LRRTM4: variants seen among roughly 807,000 people sequenced by gnomAD.
The protein encoded by LRRTM4 is leucine-rich repeat transmembrane neuronal protein 4.
A neutral mutation model predicts 47.6 loss-of-function variants in LRRTM4; 25 were observed. The ratio of observed to expected loss-of-function variants is 0.53; its 90% CI spans 0.38 to 0.73. The LOEUF (loss-of-function observed/expected upper bound fraction) is 0.73, where lower values mean the gene tolerates loss of function less well. LRRTM4 is among the 30% of genes least tolerant of loss of function. The pLI is 0.00. For missense variants in LRRTM4, 638 were observed against 713.4 expected (o/e 0.89, Z 1.20); for synonymous variants, 311 against 269.5 (o/e 1.15, Z -1.51).
intron 3 of LRRTM4, among the ~76,000 whole-genome samples, chr2:76,820,020 A>G (rs919156445): frequency 5.9e-5 from 9 of 151,976 alleles, no homozygotes; most frequent in African/African-American, 2.2e-4. Context: ...ATGTTCTTAC[A>G]GATATCCACC....
intron 3 of LRRTM4, among the ~76,000 whole-genome samples, chr2:76,998,618 A>G (rs1395216785): frequency 6.6e-6 from 1 of 152,074 alleles, no homozygotes; most frequent in Non-Finnish European, 1.5e-5. Flanking sequence ...ATTTTTGTAC[A>G]CATTGAAGTC....
At chr2:76,811,530 A>T (rs1331766709) in intron 3 of LRRTM4, among the ~76,000 whole-genome samples, 5 of 152,140 alleles carry the variant, frequency 3.3e-5, no homozygotes, top group Non-Finnish European at 7.3e-5. Flanking sequence ...AAGGCCATTC[A>T]TCTGATGGAA....
intron 3 of LRRTM4, among the ~76,000 whole-genome samples, chr2:77,460,707 A>G (rs918812028): frequency 6.6e-6 from 1 of 152,126 alleles, no homozygotes; most frequent in African/African-American, 2.4e-5. Flanking sequence ...TAAGTATTTG[A>G]ATTGATAGTC....
At chr2:77,174,152 C>A (rs569575654) in intron 3 of LRRTM4, among the ~76,000 whole-genome samples, 1 of 152,052 alleles carries the variant, frequency 6.6e-6, no homozygotes, top group Non-Finnish European at 1.5e-5. Flanking sequence ...CAATCCTGCC[C>A]GTGCACTCCT....
chr2:76,808,535 G>A (rs1670631712), intron 3 of LRRTM4, among the ~76,000 whole-genome samples: 1 of 151,684 alleles, frequency 6.6e-6, no homozygotes, highest in South Asian at 2.1e-4. Context: ...CACAATTTTG[G>A]GGGTTGTCTT....
intron 3 of LRRTM4, among the ~76,000 whole-genome samples, chr2:76,851,081 C>T (rs1480687794): frequency 1.3e-5 from 2 of 152,298 alleles, no homozygotes; most frequent in Non-Finnish European, 2.9e-5. Flanking sequence ...GCTAACAGTG[C>T]ACATTCAGGG....
chr2:76,806,032 C>T (rs909377524), intron 3 of LRRTM4, among the ~76,000 whole-genome samples: 1 of 152,130 alleles, frequency 6.6e-6, no homozygotes, highest in African/African-American at 2.4e-5. Flanking sequence ...CAGTACTCAG[C>T]CTATTACAGC....
At chr2:77,416,567 A>G (rs1291595895) in intron 3 of LRRTM4, among the ~76,000 whole-genome samples, 1 of 152,094 alleles carries the variant, frequency 6.6e-6, no homozygotes, top group Non-Finnish European at 1.5e-5. Flanking sequence ...AAAAAATCAG[A>G]TATTTCTGGC....
intron 3 of LRRTM4, among the ~76,000 whole-genome samples, chr2:77,430,371 C>T (rs1276859239): frequency 6.6e-6 from 1 of 152,006 alleles, no homozygotes; most frequent in East Asian, 1.9e-4. Flanking sequence ...TTATTCAATT[C>T]TGGCTGTTAT....
At chr2:76,918,795 C>T (rs1247639991) in intron 3 of LRRTM4, among the ~76,000 whole-genome samples, 1 of 152,108 alleles carries the variant, frequency 6.6e-6, no homozygotes, top group Non-Finnish European at 1.5e-5. Context: ...CTTAAGAAGT[C>T]TTCAGAAGAA....
chr2:76,774,014 C>G (rs1673838477), intron 3 of LRRTM4, among the ~76,000 whole-genome samples: 1 of 151,810 alleles, frequency 6.6e-6, no homozygotes, highest in South Asian at 2.1e-4. Flanking sequence ...ATGAAAGACA[C>G]CACAGTCAAA....
intron 3 of LRRTM4, among the ~76,000 whole-genome samples, chr2:77,316,282 G>C (rs920064152): frequency 6.6e-6 from 1 of 152,102 alleles, no homozygotes; most frequent in Non-Finnish European, 1.5e-5. Flanking sequence ...AGAATGATGC[G>C]TAAGTTCTCA....
At chr2:76,834,618 C>A (rs1379604310) in intron 3 of LRRTM4, among the ~76,000 whole-genome samples, 1 of 151,962 alleles carries the variant, frequency 6.6e-6, no homozygotes, top group Non-Finnish European at 1.5e-5. Flanking sequence ...GATACAAATG[C>A]TTTCTCTAAT....
chr2:76,991,415 A>G (rs1168079672), intron 3 of LRRTM4, among the ~76,000 whole-genome samples: 1 of 151,644 alleles, frequency 6.6e-6, no homozygotes, highest in Non-Finnish European at 1.5e-5. Context: ...ACAAAGGAAA[A>G]AAGAAGATTG....
intron 3 of LRRTM4, among the ~76,000 whole-genome samples, chr2:76,947,415 T>G (rs1012715828): frequency 2.0e-5 from 3 of 151,846 alleles, no homozygotes; most frequent in African/African-American, 7.2e-5. Flanking sequence ...CAGGTTCTTA[T>G]GAGGAATAGT....
At chr2:77,021,439 T>G (rs1432137710) in intron 3 of LRRTM4, among the ~76,000 whole-genome samples, 1 of 152,282 alleles carries the variant, frequency 6.6e-6, no homozygotes, top group Middle Eastern at 3.4e-3. Flanking sequence ...TAATGCTTTT[T>G]CAAATTGACT....
At chr2:76,824,560 A>C (rs1671140056) in intron 3 of LRRTM4, among the ~76,000 whole-genome samples, 1 of 148,628 alleles carries the variant, frequency 6.7e-6, no homozygotes, top group South Asian at 2.1e-4. Flanking sequence ...TAGGCAGACA[A>C]GAGCAAGGCA....
intron 3 of LRRTM4, among the ~76,000 whole-genome samples, chr2:77,468,954 T>C (rs1677085061): frequency 6.6e-6 from 1 of 152,218 alleles, no homozygotes; most frequent in Non-Finnish European, 1.5e-5. Flanking sequence ...TGATGTCCGT[T>C]TTTACTACAT....
intron 3 of LRRTM4, among the ~76,000 whole-genome samples, chr2:77,024,306 A>G (rs1678375242): frequency 6.6e-6 from 1 of 152,180 alleles, no homozygotes; most frequent in African/African-American, 2.4e-5. Context: ...TTGACTTTTT[A>G]GATTCCACAT....
Sources: gnomAD v4.1 joint callset for allele counts (sites outside exome capture counted in the v4.1 genomes callset) on GRCh38, gnomAD v4.1.1 for gene constraint, MANE v1.5 for transcripts, NCBI Gene and HGNC (gene_info 2026-07-23, HGNC 2026-07-21) for gene names.